Variants in ELFN2 observed in about 807,000 individuals in gnomAD.
The protein encoded by ELFN2 is extracellular leucine rich repeat and fibronectin type III domain containing 2, also known as protein phosphatase 1 regulatory subunit 29.
In ELFN2, 17 loss-of-function variants were observed where a neutral mutation model predicts 45.5. The ratio of observed to expected loss-of-function variants is 0.37; its 90% confidence interval spans 0.26 to 0.56. The LOEUF is 0.56. ELFN2 is among the 20% of genes least tolerant of loss of function. ELFN2 has a pLI of 0.77. For missense variants in ELFN2, 922 were observed against 1,183.2 expected (o/e 0.78, Z 3.24); for synonymous variants, 550 against 551.5 (o/e 1.00, Z 0.04).
At chr22:37,403,746 G>A (rs899673623) in intron 2 of ELFN2, among the ~76,000 whole-genome samples, 4 of 152,344 alleles carry the variant, frequency 2.6e-5, no homozygotes, top group Admixed American at 6.5e-5. Context: ...CAGCCCAAAC[G>A]AGGTCTCACA....
intron 2 of ELFN2, among the ~76,000 whole-genome samples, chr22:37,393,258 T>C (rs1031028340): frequency 3.9e-5 from 6 of 152,248 alleles, no homozygotes; most frequent in African/African-American, 1.2e-4. Context: ...TGTCTTTTCT[T>C]GGACTCACGT....
At chr22:37,352,399 C>T (rs1316057384) in intron 1 of ELFN2, 3 of 150,802 alleles carry the variant, frequency 2.0e-5, no homozygotes, top group Non-Finnish European at 4.5e-5. Context: ...ACTCTGGGGA[C>T]ACAGCAGGGG....
chr22:37,403,415 G>A (rs1932414513), intron 2 of ELFN2, among the ~76,000 whole-genome samples: 1 of 152,158 alleles, frequency 6.6e-6, no homozygotes, highest in African/African-American at 2.4e-5. Flanking sequence ...GCGAGCGAGG[G>A]GCCGGAGGGT....
Position 37,374,919 on chromosome 22 carries a change from C to G in ELFN2, c.616G>C (p.Val206Leu). The change falls in exon 3 of 3, where the codon GTC (valine) becomes CTC (leucine). Residue 206 changes from valine (V) to leucine (L), a missense_variant. By Grantham distance (32) the Val-to-Leu change is conservative. Around this residue, in one of 2 missense-constraint regions of ELFN2, gnomAD observed 358 missense variants for 540.4 expected, o/e 0.66. Coordinates refer to ENST00000402918, the MANE Select transcript of ELFN2 (RefSeq NM_052906.5). ...FLAWLVVFNN[V>L]TKNYDRLQCE... ...TGCAGGCGGTCGTAGTTCTTGGTGA[C>G]GTTGTTGAAGACCACCAGCCAGGCC... 6.2e-7 allele frequency: 1 copy of G among 1,612,608 alleles called. No homozygotes were observed. The highest frequency in any genetic ancestry group is 1.7e-5 in the Admixed American group (1 of 60,012).
downstream of ELFN2, among the ~76,000 whole-genome samples, chr22:37,365,667 G>A (rs1931186693): frequency 6.6e-6 from 1 of 152,322 alleles, no homozygotes; most frequent in East Asian, 1.9e-4. Flanking sequence ...CCAAAGTGGG[G>A]TGCCCCTGGC....
chr22:37,374,690 G>A lies in ELFN2; in HGVS notation c.845C>T (p.Ser282Leu), dbSNP rs369045365. 16 of 1,611,642 alleles carry A rather than the reference G, an allele frequency of 9.9e-6. No individual in the cohort carries two copies. Among genetic ancestry groups the A allele is most frequent in the South Asian group, 3.3e-5 (3 of 91,052 alleles). Residue 282 changes from serine to leucine, a missense_variant, in exon 3 of 3, where the codon TCG (serine) becomes TTG (leucine). Physicochemically the swap from Ser to Leu is moderately radical, Grantham distance 145. This residue lies in a region of ELFN2 where 358 missense variants were observed against 540.4 expected (regional missense o/e 0.66). Transcript: ENST00000402918. ...GGTGGACGAGGCCGGCGGCTCCACC[G>A]AAAGGATCTCGTCGGGGTTGAAGCC... ...NSGFNPDEIL[S>L]VEPPASSTTD...
rs940856666 is a variant in ELFN2, at chr22:37,351,792, G to A, written n.149-9089C>T. 4.6e-5 allele frequency among the ~76,000 whole-genome samples: 7 copies of A among 150,842 alleles called. 1 individual carries two copies. Among genetic ancestry groups the A allele is most frequent in the Non-Finnish European group, 1.0e-4 (7 of 67,278 alleles). The stretch of plus-strand genomic sequence containing the variant: ...CAGCCAACACAGAGGGCTGCCGCGG[G>A]GTCACTCCTGACCTGCTCTGGTGGC... On this transcript the variant is annotated intron_variant and non_coding_transcript_variant, in intron 1 of 2. Coordinates refer to ENST00000452946, the Ensembl canonical transcript of ELFN2.
chr22:37,399,929 C>T (rs946299856), intron 2 of ELFN2, among the ~76,000 whole-genome samples: 3 of 152,162 alleles, frequency 2.0e-5, no homozygotes, highest in Admixed American at 6.5e-5. Context: ...ACCCACTGAA[C>T]CCTCAAACCA....
downstream of ELFN2, among the ~76,000 whole-genome samples, chr22:37,367,468 G>A (rs1186365397): frequency 6.6e-6 from 1 of 152,204 alleles, no homozygotes; most frequent in Non-Finnish European, 1.5e-5. Flanking sequence ...AGGCCCAGTG[G>A]GTCCCACAGA....
intron 1 of ELFN2, among the ~76,000 whole-genome samples, chr22:37,356,494 G>A (rs961222278): frequency 6.6e-6 from 1 of 152,224 alleles, no homozygotes; most frequent in Non-Finnish European, 1.5e-5. Context: ...GGGGAGTCTT[G>A]TATGTAGTTT....
intron 2 of ELFN2, among the ~76,000 whole-genome samples, chr22:37,380,023 C>G (rs548364817): frequency 2.0e-5 from 3 of 152,220 alleles, no homozygotes; most frequent in African/African-American, 4.8e-5. Flanking sequence ...CTTCACAACC[C>G]TCATCACCCA....
At chr22:37,398,672 T>C (rs1051652227) in intron 2 of ELFN2, among the ~76,000 whole-genome samples, 1 of 152,124 alleles carries the variant, frequency 6.6e-6, no homozygotes, top group African/African-American at 2.4e-5. Context: ...ATGATCTGGC[T>C]TGGCTCTGTC....
chr22:37,418,670 C>T (rs913166229), intron 1 of ELFN2, among the ~76,000 whole-genome samples: 2 of 151,918 alleles, frequency 1.3e-5, no homozygotes, highest in African/African-American at 4.8e-5. Flanking sequence ...ATCACCAACG[C>T]CGCCCAACCC....
At chr22:37,384,055 C>G (rs1300227624) in intron 2 of ELFN2, among the ~76,000 whole-genome samples, 1 of 152,156 alleles carries the variant, frequency 6.6e-6, no homozygotes, top group Non-Finnish European at 1.5e-5. Context: ...TGTCACCCCC[C>G]CATGGCTCAC....
intron 1 of ELFN2, among the ~76,000 whole-genome samples, chr22:37,423,208 G>T (rs1932823408): frequency 6.6e-6 from 1 of 152,182 alleles, no homozygotes; most frequent in Non-Finnish European, 1.5e-5. Context: ...GCCTTTGGGG[G>T]TGTCCCATCT....
chr22:37,389,785 C>T (rs1255806089), intron 2 of ELFN2, among the ~76,000 whole-genome samples: 5 of 152,162 alleles, frequency 3.3e-5, no homozygotes, highest in African/African-American at 1.2e-4. Flanking sequence ...GAGGACAGGA[C>T]CCCATCTTCC....
At chr22:37,346,255 C>T (rs547457979) in intron 1 of ELFN2, among the ~76,000 whole-genome samples, 1 of 152,236 alleles carries the variant, frequency 6.6e-6, no homozygotes, top group Non-Finnish European at 1.5e-5. Context: ...CTGGGCACTT[C>T]CCCAAGCCTC....
intron 2 of ELFN2, among the ~76,000 whole-genome samples, chr22:37,387,547 C>A (rs1364340803): frequency 6.6e-6 from 1 of 152,130 alleles, no homozygotes; most frequent in Admixed American, 6.5e-5. Flanking sequence ...GATGCAGGAG[C>A]TGACCCTCCT....
At chr22:37,361,730 G>T (rs1340282554) in intron 1 of ELFN2, among the ~76,000 whole-genome samples, 11 of 152,136 alleles carry the variant, frequency 7.2e-5, no homozygotes, top group Admixed American at 7.2e-4. Context: ...ATACTGAAAA[G>T]TTCTCCATTC....
Sources: allele counts gnomAD v4.1 joint callset (sites outside exome capture counted in the v4.1 genomes callset), GRCh38; gene constraint gnomAD v4.1.1; regional missense constraint gnomAD v4.1.1; transcripts MANE v1.5; gene names NCBI Gene and HGNC (gene_info 2026-07-23, HGNC 2026-07-21).